RGS7: variants seen among roughly 807,000 people sequenced by gnomAD.
The protein encoded by RGS7 is regulator of G protein signaling 7.
A neutral mutation model predicts 81.1 loss-of-function variants in RGS7; 27 were observed. That is an observed-to-expected ratio of 0.33 (90% CI 0.25 to 0.46). The LOEUF is 0.46. RGS7 is among the 20% of genes least tolerant of loss of function. The pLI is 1.00. For synonymous variants in RGS7, 208 were observed against 207.7 expected (o/e 1.00, Z -0.01); for missense variants, 396 against 607.4 (o/e 0.65, Z 3.66).
At chr1:241,094,384 C>T (rs1463141989) in intron 3 of RGS7, among the ~76,000 whole-genome samples, 1 of 152,146 alleles carries the variant, frequency 6.6e-6, no homozygotes, top group African/African-American at 2.4e-5. Flanking sequence ...ATCTCATTCC[C>T]TGGCCCTGAG....
intron 9 of RGS7, among the ~76,000 whole-genome samples, chr1:240,843,068 G>C (rs923119266): frequency 7.2e-5 from 11 of 151,992 alleles, no homozygotes; most frequent in Non-Finnish European, 1.3e-4. Context: ...GGGAGGCTGA[G>C]GCAGGAGAAT....
At chr1:241,195,430 C>A (rs1034968070) in intron 2 of RGS7, among the ~76,000 whole-genome samples, 1 of 151,920 alleles carries the variant, frequency 6.6e-6, no homozygotes, top group Non-Finnish European at 1.5e-5. Flanking sequence ...GAGCCGAGAT[C>A]GCGCCATTGC....
intron 2 of RGS7, among the ~76,000 whole-genome samples, chr1:241,347,703 G>T (rs527705515): frequency 7.3e-4 from 111 of 152,078 alleles, no homozygotes; most frequent in Non-Finnish European, 1.2e-3. Flanking sequence ...GTACATGCAG[G>T]CCTTTGTCTT....
rs537805311 is a variant in RGS7 at position 241,007,763 on chromosome 1, A to G, written c.176-24634T>C. ...GAAGTTAGAAGTGCTACTATAAGAA[A>G]TGAGAGAGGCTGCTGGCAAGGAATT... On this transcript the variant is annotated intron_variant, in intron 3 of 18. Transcript: ENST00000440928. Among the ~76,000 whole-genome samples, 37 of 152,306 alleles carry G rather than the reference A, an allele frequency of 2.4e-4. No individual in the cohort carries two copies. In the South Asian group the frequency reaches 7.2e-3, roughly 30 times the overall value.
At chr1:240,878,802 T>C (rs1002246442) in intron 6 of RGS7, among the ~76,000 whole-genome samples, 1 of 152,222 alleles carries the variant, frequency 6.6e-6, no homozygotes, top group Non-Finnish European at 1.5e-5. Context: ...TACTGAGATT[T>C]ACCCAGGCTG....
intron 6 of RGS7, among the ~76,000 whole-genome samples, chr1:240,905,167 T>C (rs923334879): frequency 1.2e-4 from 18 of 152,154 alleles, no homozygotes; most frequent in African/African-American, 3.9e-4. Flanking sequence ...GCCACAGCAC[T>C]ATGTGTTGAT....
At chr1:241,117,112 C>T (rs1451647844) in intron 2 of RGS7, among the ~76,000 whole-genome samples, 10 of 152,058 alleles carry the variant, frequency 6.6e-5, no homozygotes, top group Non-Finnish European at 8.8e-5. Flanking sequence ...AAAAACACGG[C>T]AAAAATGCAT....
intron 2 of RGS7, among the ~76,000 whole-genome samples, chr1:241,310,427 ATGTGTGTCTG>A (rs1558303001): frequency 8.6e-6 from 1 of 116,130 alleles, no homozygotes; most frequent in Admixed American, 1.0e-4. Context: ...GTGAGAGTGT[ATGTGTGTCTG>A]TGTGTGTGAG....
At chr1:240,846,153 C>A (rs775883081) in intron 9 of RGS7, among the ~76,000 whole-genome samples, 48 of 152,260 alleles carry the variant, frequency 3.2e-4, no homozygotes, top group Non-Finnish European at 6.2e-4. Flanking sequence ...ACAAGTGAAG[C>A]CTAGTCTCTG....
At chr1:240,807,533 G>A (rs1235623963) in intron 14 of RGS7, among the ~76,000 whole-genome samples, 3 of 152,194 alleles carry the variant, frequency 2.0e-5, no homozygotes, top group South Asian at 2.1e-4. Flanking sequence ...AAGTGCATGA[G>A]CTAGAATTAG....
chr1:241,087,970 C>A (rs1228457287), intron 3 of RGS7, among the ~76,000 whole-genome samples: 1,703 of 87,398 alleles, frequency 0.019, 11 homozygotes, highest in East Asian at 0.027. Context: ...CTCTCTCTCT[C>A]TCTCTCTATA....
intron 2 of RGS7, among the ~76,000 whole-genome samples, chr1:241,203,768 T>C (rs2073686580): frequency 2.0e-5 from 3 of 152,134 alleles, no homozygotes; most frequent in South Asian, 4.1e-4. Flanking sequence ...AATTAAAATA[T>C]AATAAATCCC....
At chr1:241,028,907 G>A (rs935113877) in intron 3 of RGS7, among the ~76,000 whole-genome samples, 1 of 152,114 alleles carries the variant, frequency 6.6e-6, no homozygotes, top group Non-Finnish European at 1.5e-5. Flanking sequence ...AATGCGAACT[G>A]GGGCAGCCAG....
intron 6 of RGS7, among the ~76,000 whole-genome samples, chr1:240,884,466 C>G (rs907795987): frequency 2.6e-5 from 4 of 152,188 alleles, no homozygotes; most frequent in African/African-American, 9.6e-5. Context: ...GTGTTTGTGT[C>G]TTATTCCCTC....
chr1:241,087,767 G>A (rs940139959), intron 3 of RGS7, among the ~76,000 whole-genome samples: 6 of 151,980 alleles, frequency 3.9e-5, no homozygotes, highest in Admixed American at 6.6e-5. Context: ...CAGGCAACAT[G>A]GCAAAAGCCC....
intron 2 of RGS7, among the ~76,000 whole-genome samples, chr1:241,242,197 C>A (rs993985105): frequency 2.0e-5 from 3 of 152,016 alleles, no homozygotes; most frequent in Admixed American, 6.6e-5. Context: ...TAAGAACACA[C>A]AATGTTCGGC....
intron 2 of RGS7, among the ~76,000 whole-genome samples, chr1:241,313,020 C>T (rs1378147074): frequency 6.6e-6 from 1 of 152,132 alleles, no homozygotes; most frequent in Admixed American, 6.6e-5. Flanking sequence ...TAAGCCAAAC[C>T]CTAATCCAGA....
Position 241,245,960 on chromosome 1 carries a change from C to T in RGS7, c.78+109739G>A, listed in dbSNP as rs548878405. 3.3e-3 allele frequency among the ~76,000 whole-genome samples: 507 copies of T among 151,850 alleles called. 5 individuals carry two copies. The highest frequency in any genetic ancestry group is 6.8e-3 in the Middle Eastern group (2 of 294). On this transcript the variant is annotated intron_variant, in intron 2 of 18. Coordinates refer to ENST00000440928, the MANE Select transcript of RGS7 (RefSeq NM_001364886.1). The stretch of plus-strand genomic sequence containing the variant: ...TCTACTAAAAACACAAAAAATTAGC[C>T]AGGCGTGGTGGCGGGCGCCTGTAGT...
At chr1:241,316,745 T>C (rs1314892214) in intron 2 of RGS7, among the ~76,000 whole-genome samples, 2 of 152,186 alleles carry the variant, frequency 1.3e-5, no homozygotes, top group Non-Finnish European at 2.9e-5. Flanking sequence ...CTTTATCTAG[T>C]TTTTGTATTG....
Sources: gnomAD v4.1 joint callset for allele counts (sites outside exome capture counted in the v4.1 genomes callset) on GRCh38, gnomAD v4.1.1 for gene constraint, MANE v1.5 for transcripts, NCBI Gene and HGNC (gene_info 2026-07-23, HGNC 2026-07-21) for gene names.